Variants in KAZN observed in about 807,000 individuals in gnomAD.
The protein encoded by KAZN is kazrin, periplakin interacting protein.
In KAZN, 40 loss-of-function variants were observed where a neutral mutation model predicts 87.4. The ratio of observed to expected loss-of-function variants is 0.46; its 90% CI spans 0.36 to 0.60. KAZN has a LOEUF of 0.60. Among genes scored for constraint, KAZN ranks in the 20% least tolerant of loss-of-function variants. KAZN has a pLI of 0.00. For synonymous variants in KAZN, 466 were observed against 458.3 expected (o/e 1.02, Z -0.22); for missense variants, 898 against 1,073.9 (o/e 0.84, Z 2.29).
intron 8 of KAZN, among the ~76,000 whole-genome samples, chr1:15,073,413 G>T (rs948498571): frequency 6.6e-6 from 1 of 152,212 alleles, no homozygotes; most frequent in African/African-American, 2.4e-5. Flanking sequence ...GTGCCCGTGG[G>T]TTGGAGGGCA....
intron 1 of KAZN, among the ~76,000 whole-genome samples, chr1:14,045,044 G>A (rs1212924700): frequency 6.6e-6 from 1 of 152,168 alleles, no homozygotes; most frequent in Non-Finnish European, 1.5e-5. Flanking sequence ...AATGTGAAAA[G>A]AGAGAGGCCA....
At chr1:14,206,004 TA>T (rs1646736701) in intron 2 of KAZN, among the ~76,000 whole-genome samples, 4 of 149,498 alleles carry the variant, frequency 2.7e-5, no homozygotes, top group Non-Finnish European at 5.9e-5. Flanking sequence ...ACATGTACCC[TA>T]AAACTTAAAG....
intron 1 of KAZN, among the ~76,000 whole-genome samples, chr1:13,982,395 C>T (rs1333597854): frequency 6.6e-6 from 1 of 152,180 alleles, no homozygotes; most frequent in African/African-American, 2.4e-5. Context: ...CTGGTGGGTT[C>T]GTGGTCTAGC....
At chr1:14,514,395 ATT>A (rs1294281345) in intron 2 of KAZN, among the ~76,000 whole-genome samples, 1 of 15,672 alleles carries the variant, frequency 6.4e-5, no homozygotes, top group African/African-American at 2.1e-4. Context: ...TATTATATAT[ATT>A]TATATATATA....
intron 2 of KAZN, among the ~76,000 whole-genome samples, chr1:14,230,855 T>C (rs943836193): frequency 2.6e-5 from 4 of 152,116 alleles, no homozygotes; most frequent in African/African-American, 4.8e-5. Flanking sequence ...ACGAGACAGT[T>C]CAGTTTAGTG....
At chr1:13,965,610 T>C (rs1641914512) in intron 1 of KAZN, among the ~76,000 whole-genome samples, 1 of 152,194 alleles carries the variant, frequency 6.6e-6, no homozygotes, top group Non-Finnish European at 1.5e-5. Flanking sequence ...GGGAGCTTCC[T>C]GAAGTCAGGG....
At position 14,981,110 on chromosome 1, in the gene KAZN, G is replaced by A. The variant is rs74493331; in HGVS notation, c.418+20235G>A. On this transcript the variant is annotated intron_variant, in intron 2 of 14. Coordinates refer to ENST00000376030, the MANE Select transcript of KAZN (RefSeq NM_201628.3). Reference sequence around the variant, plus strand: ...GGGGCCTGAGAGATGCCAGGAAAACGTGCTTGCTCCAAGAAGGGAGGGGAG... The same window carrying A: ...GGGGCCTGAGAGATGCCAGGAAAACATGCTTGCTCCAAGAAGGGAGGGGAG... 7.9e-5 allele frequency among the ~76,000 whole-genome samples: 12 copies of A among 152,276 alleles called. No individual in the cohort carries two copies. In the East Asian group the frequency reaches 2.3e-3, roughly 30 times the overall value.
At chr1:15,005,239 T>G (rs1391697711) in intron 2 of KAZN, among the ~76,000 whole-genome samples, 3 of 152,192 alleles carry the variant, frequency 2.0e-5, no homozygotes, top group Admixed American at 6.5e-5. Context: ...ATTCCACAGA[T>G]TCTGCCTTTG....
intron 2 of KAZN, among the ~76,000 whole-genome samples, chr1:14,494,787 C>T (rs1260762795): frequency 1.3e-5 from 2 of 152,052 alleles, no homozygotes; most frequent in South Asian, 2.1e-4. Context: ...AAATGTGACC[C>T]CTTTCAGTAC....
At chr1:14,352,107 G>A (rs1658593499) in intron 2 of KAZN, among the ~76,000 whole-genome samples, 1 of 152,158 alleles carries the variant, frequency 6.6e-6, no homozygotes. Flanking sequence ...ATATTTTCAA[G>A]TATCAAATCT....
intron 10 of KAZN, among the ~76,000 whole-genome samples, chr1:15,097,848 G>C (rs1028170180): frequency 6.6e-6 from 1 of 152,188 alleles, no homozygotes; most frequent in Non-Finnish European, 1.5e-5. Context: ...ATTAGATGCA[G>C]AGAAATCATG....
At chr1:14,336,408 C>T (rs548690858) in intron 2 of KAZN, among the ~76,000 whole-genome samples, 9 of 152,250 alleles carry the variant, frequency 5.9e-5, no homozygotes, top group South Asian at 2.1e-4. Context: ...GGGGCTATAA[C>T]GAAGGATGAT....
intron 1 of KAZN, among the ~76,000 whole-genome samples, chr1:14,610,347 C>T (rs1201053784): frequency 1.3e-5 from 2 of 152,088 alleles, no homozygotes; most frequent in South Asian, 2.1e-4. Flanking sequence ...AGCTGGGACA[C>T]GAGTGGCTGG....
chr1:15,089,295 C>T (rs968479747), intron 8 of KAZN, among the ~76,000 whole-genome samples: 2 of 152,114 alleles, frequency 1.3e-5, no homozygotes, highest in Non-Finnish European at 2.9e-5. Flanking sequence ...CACCCCCCAC[C>T]CACCCACCTG....
chr1:14,556,387 G>A lies in KAZN; in HGVS notation c.250-42596G>A, dbSNP rs565206459. On this transcript the variant is annotated intron_variant, in intron 2 of 16. Coordinates refer to the KAZN transcript ENST00000636203. ...GCCACCCAAAGTGCTGGGATTACAG[G>A]TGTGAGCCCCCGTGCCCGGCGGGGG... is the stretch of plus-strand genomic sequence containing the variant. Among the ~76,000 whole-genome samples, 15 of 152,188 alleles carry A rather than the reference G, an allele frequency of 9.9e-5. No homozygotes were observed. The South Asian group carries it at 2.9e-3, about 30-fold the overall frequency.
intron 2 of KAZN, among the ~76,000 whole-genome samples, chr1:14,403,200 T>A (rs928927644): frequency 1.6e-4 from 24 of 152,160 alleles, no homozygotes; most frequent in African/African-American, 5.8e-4. Flanking sequence ...TTAAACACCT[T>A]TACAAATGGT....
intron 2 of KAZN, among the ~76,000 whole-genome samples, chr1:15,015,172 G>A (rs1039067559): frequency 2.1e-5 from 3 of 144,580 alleles, no homozygotes; most frequent in African/African-American, 8.3e-5. Context: ...TTATTTATTT[G>A]AGACGGAGTC....
chr1:14,235,506 CA>C (rs1176178615), intron 2 of KAZN, among the ~76,000 whole-genome samples: 2 of 151,994 alleles, frequency 1.3e-5, no homozygotes, highest in Non-Finnish European at 1.5e-5. Flanking sequence ...TTGGGGATAG[CA>C]AAAAAGAAGC....
intron 2 of KAZN, among the ~76,000 whole-genome samples, chr1:15,010,286 T>A (rs1225172276): frequency 6.6e-6 from 1 of 152,160 alleles, no homozygotes; most frequent in Non-Finnish European, 1.5e-5. Context: ...AAAGGCTTGA[T>A]CAGATTCAGA....
Sources: gnomAD v4.1 joint callset for allele counts (sites outside exome capture counted in the v4.1 genomes callset) on GRCh38, gnomAD v4.1.1 for gene constraint, MANE v1.5 for transcripts, NCBI Gene and HGNC (gene_info 2026-07-23, HGNC 2026-07-21) for gene names.